MIOS: variants seen among roughly 807,000 people sequenced by gnomAD.
The protein encoded by MIOS is meiosis regulator for oocyte development.
Under a neutral mutation model 96.9 loss-of-function variants are expected in MIOS, and 52 were observed. That is an observed-to-expected ratio of 0.54 (90% CI 0.43 to 0.68). MIOS has a LOEUF of 0.68. Among genes scored for constraint, MIOS ranks in the 30% least tolerant of loss-of-function variants. MIOS has a pLI of 0.00. For synonymous variants in MIOS, 397 were observed against 359.5 expected (o/e 1.10, Z -1.18); for missense variants, 1,005 against 1,052.8 (o/e 0.95, Z 0.63).
rs1219205671 is a variant in MIOS at position 7,567,073 on chromosome 7, G to T, written c.-221+1G>T. 6.6e-6 allele frequency: 1 copy of T among 152,006 alleles called. No homozygotes were observed. The highest frequency in any genetic ancestry group is 2.4e-5 in the African/African-American group (1 of 41,424). The allele number at this position is 152,006 out of a possible 1,614,324, so 9.4% of individuals were successfully genotyped here. A position where few individuals can be genotyped will look rare whatever the true frequency, so the allele number is the denominator to read the frequency against. ...TGCGGCGGCCGCGCTGCCACCTCAGGTCAGTGAGCGCGACCCGGTTCGCGT... is the reference window on the plus strand; with the variant it reads ...TGCGGCGGCCGCGCTGCCACCTCAGTTCAGTGAGCGCGACCCGGTTCGCGT... On this transcript the variant is annotated splice_donor_variant, in intron 1 of 12. Coordinates refer to ENST00000340080, the MANE Select transcript of MIOS (RefSeq NM_019005.4). LOFTEE classifies it low-confidence loss of function (5UTR_SPLICE).
intron 5 of MIOS, among the ~76,000 whole-genome samples, chr7:7,579,077 T>G (rs977259761): frequency 9.2e-5 from 14 of 152,216 alleles, no homozygotes; most frequent in Admixed American, 8.5e-4. Context: ...ACGTTTTCTG[T>G]TATTTATGTA....
rs1475222316 is a variant in MIOS at position 7,585,770 on chromosome 7, C to G, written c.1783C>G (p.Leu595Val). The G allele has an allele frequency of 2.5e-6, 4 of 1,611,338 alleles. No homozygotes were observed. In the East Asian group the frequency reaches 6.7e-5, roughly 27 times the overall value. Reference sequence around the variant, plus strand: ...GTATTTGTGTGTCATGTTTGCATTTCTGACAAGTGAAACAGGATCTTACGA... The same window carrying G: ...GTATTTGTGTGTCATGTTTGCATTTGTGACAAGTGAAACAGGATCTTACGA... ...NPYLCVMFAFLTSETGSYDGV... is the reference protein window; with the variant it reads ...NPYLCVMFAFVTSETGSYDGV... Residue 595 changes from leucine (L) to valine (V), a missense_variant, in exon 7 of 13, where the codon CTG becomes GTG. Transcript: ENST00000340080.
Position 7,573,829 on chromosome 7 carries a change from C to A in MIOS, c.1294+60C>A. 6.9e-7 allele frequency: 1 copy of A among 1,440,992 alleles called. No homozygotes were observed. Among genetic ancestry groups the A allele is most frequent in the Non-Finnish European group, 9.4e-7 (1 of 1,067,942 alleles). 89.3% of individuals were successfully genotyped at this position (1,440,992 alleles called of 1,614,324 possible). Reference sequence around the variant, plus strand: ...CAGGTAGAAATGTTCTTGAAGTTTGCCAAAAGGTCAGTCTGTAAATATGCT... The same window carrying A: ...CAGGTAGAAATGTTCTTGAAGTTTGACAAAAGGTCAGTCTGTAAATATGCT... On this transcript the variant is annotated intron_variant, in intron 4 of 12. Coordinates refer to ENST00000340080, the MANE Select transcript of MIOS (RefSeq NM_019005.4). This position sits in a 1 kb window ranked among gnomAD's most constrained non-coding sequence, Gnocchi z 5.0.
At chr7:7,599,778 A>G (rs1323818079) in intron 11 of MIOS, among the ~76,000 whole-genome samples, 1 of 152,204 alleles carries the variant, frequency 6.6e-6, no homozygotes, top group East Asian at 1.9e-4. Context: ...TTATAATAGC[A>G]AAGACATAAA....
chr7:7,575,870 G>C (rs1783514263), intron 5 of MIOS, among the ~76,000 whole-genome samples: 1 of 150,512 alleles, frequency 6.6e-6, no homozygotes, highest in African/African-American at 2.4e-5. Flanking sequence ...CTCATTGCTA[G>C]GTTTTCAGCT....
chr7:7,591,295 G>GC (rs1289006078), intron 9 of MIOS, among the ~76,000 whole-genome samples: 1 of 108,576 alleles, frequency 9.2e-6, no homozygotes, highest in Non-Finnish European at 2.2e-5. Context: ...ATTTTTTGTT[G>GC]GGTTTTTTTT....
intron 7 of MIOS, among the ~76,000 whole-genome samples, chr7:7,586,704 T>C (rs1783897061): frequency 6.6e-6 from 1 of 152,230 alleles, no homozygotes; most frequent in Admixed American, 6.5e-5. Flanking sequence ...ATGTACTTTA[T>C]TACTTTTAAT....
chr7:7,571,296 A>G (rs572976847), intron 3 of MIOS, among the ~76,000 whole-genome samples: 48 of 152,346 alleles, frequency 3.2e-4, no homozygotes, highest in African/African-American at 1.1e-3. Context: ...GTGTGCTTCT[A>G]CTGCTAGAAT....
chr7:7,571,698 A>G (rs1783360333), intron 3 of MIOS, among the ~76,000 whole-genome samples: 1 of 152,120 alleles, frequency 6.6e-6, no homozygotes, highest in South Asian at 2.1e-4. Flanking sequence ...CCCCACACAC[A>G]ATGACTTTTC....
chr7:7,605,689 C>T (rs17168945), intron 11 of MIOS: 4,307 of 342,780 alleles, frequency 0.013, 157 homozygotes, highest in African/African-American at 0.084. Flanking sequence ...TTGGTCTCTC[C>T]AAAGTTTTAA....
intron 11 of MIOS, among the ~76,000 whole-genome samples, chr7:7,602,263 A>T (rs1784401531): frequency 1.3e-5 from 2 of 152,340 alleles, no homozygotes; most frequent in Admixed American, 6.5e-5. Flanking sequence ...GCATTCATTT[A>T]GGAAAAGAGG....
Position 7,585,416 on chromosome 7 carries a change from CTTT to C in MIOS, c.1649-208_1649-206del, listed in dbSNP as rs777174384. On this transcript the variant is annotated intron_variant, in intron 6 of 12. Coordinates refer to ENST00000340080, the MANE Select transcript of MIOS (RefSeq NM_019005.4). ...TCTGAATCAAAACCCAAACCCCCCC[CTTT>C]TTTTTTTTTTTCAAGAGTAAAGTGC... is the stretch of plus-strand genomic sequence containing the variant. 3.4e-3 allele frequency among the ~76,000 whole-genome samples: 249 copies of C among 73,442 alleles called. 2 individuals carry two copies. Among genetic ancestry groups the C allele is most frequent in the South Asian group, 0.014 (31 of 2,190 alleles). 48.2% of individuals were successfully genotyped at this position (73,442 alleles called of 152,430 possible). A position where few individuals can be genotyped will look rare whatever the true frequency, so the allele number is the denominator to read the frequency against.
chr7:7,606,781 A>G (rs1784542842), intron 12 of MIOS, among the ~76,000 whole-genome samples: 3 of 152,142 alleles, frequency 2.0e-5, no homozygotes, highest in Admixed American at 1.3e-4. Context: ...GAAAAGTTGC[A>G]TTATAGATAG....
chr7:7,583,184 A>G lies in MIOS; in HGVS notation c.1460A>G (p.Asn487Ser), dbSNP rs1367150218. ...LDKQSDIQNL[N>S]EERILALQLC... ...AAGCAAAGTGATATTCAAAATTTAA[A>G]TGAAGAGAGAATCTTAGCTTTACAG... Residue 487 changes from asparagine (N) to serine (S), a missense_variant, in exon 6 of 13, where the codon AAT becomes AGT. Transcript: ENST00000340080. The G allele has an allele frequency of 1.9e-6, 3 of 1,614,062 alleles. No individual in the cohort carries two copies. The Admixed American group carries it at 5.0e-5, about 27-fold the overall frequency.
intron 7 of MIOS, among the ~76,000 whole-genome samples, chr7:7,588,236 C>G (rs1481553293): frequency 6.6e-6 from 1 of 151,980 alleles, no homozygotes; most frequent in Non-Finnish European, 1.5e-5. Context: ...TAAGACTGAC[C>G]TGGATTTTTA....
intron 4 of MIOS, 94 bp from the exon 5 acceptor site, chr7:7,574,004 C>T (rs944260540): frequency 6.7e-6 from 7 of 1,044,792 alleles, no homozygotes; most frequent in Non-Finnish European, 9.7e-6. Flanking sequence ...CTTATTTACA[C>T]TGATACTTAT....
At chr7:7,602,550 A>G (rs1784410190) in intron 11 of MIOS, among the ~76,000 whole-genome samples, 2 of 152,284 alleles carry the variant, frequency 1.3e-5, no homozygotes, top group South Asian at 2.1e-4. Flanking sequence ...GAGAACTACA[A>G]ACTACTGCTC....
At position 7,607,141 on chromosome 7, in the gene MIOS, G is replaced by A. The variant is rs1784555695; in HGVS notation, c.*49G>A. 1 of 1,432,182 alleles carries A rather than the reference G, an allele frequency of 7.0e-7. No homozygotes were observed. The highest frequency in any genetic ancestry group is 9.7e-7 in the Non-Finnish European group (1 of 1,033,082). The allele number at this position is 1,432,182 out of a possible 1,614,324, so 88.7% of individuals were successfully genotyped here. A position where few individuals can be genotyped will look rare whatever the true frequency, so the allele number is the denominator to read the frequency against. ...CTTCAAGTGTGGAGCTTTCTAGTAGGTGTCCTTCATAGCTCAGAAACATAC... is the reference window on the plus strand; with the variant it reads ...CTTCAAGTGTGGAGCTTTCTAGTAGATGTCCTTCATAGCTCAGAAACATAC... On this transcript the variant is annotated 3_prime_UTR_variant, in exon 13 of 13. Coordinates refer to ENST00000340080, the MANE Select transcript of MIOS (RefSeq NM_019005.4).
Position 7,583,138 on chromosome 7 carries a change from C to A in MIOS, c.1414C>A (p.His472Asn). The A allele has an allele frequency of 1.2e-6, 2 of 1,612,486 alleles. No homozygotes were observed. The highest frequency in any genetic ancestry group is 1.7e-6 in the Non-Finnish European group (2 of 1,179,050). The stretch of plus-strand genomic sequence containing the variant: ...TTTAGGAATGGTGGAAAGCAGCAGA[C>A]ATAATTGGAGTGGGTTGGATAAGCA... ...SSLGMVESSRHNWSGLDKQSD... is the reference protein window; with the variant it reads ...SSLGMVESSRNNWSGLDKQSD... Residue 472 changes from histidine to asparagine, a missense_variant, in exon 6 of 13, where the codon CAT (histidine) becomes AAT (asparagine). Physicochemically the swap from His to Asn is moderately conservative, Grantham distance 68. Transcript: ENST00000340080.
Sources: allele counts gnomAD v4.1 joint callset (sites outside exome capture counted in the v4.1 genomes callset), GRCh38; gene constraint gnomAD v4.1.1; non-coding constraint Gnocchi (gnomAD v3.1); transcripts MANE v1.5; gene names NCBI Gene and HGNC (gene_info 2026-07-23, HGNC 2026-07-21).